Variants in RALY observed in about 807,000 individuals in gnomAD.
RALY encodes the protein RALY heterogeneous nuclear ribonucleoprotein.
Under a neutral mutation model 30.7 loss-of-function variants are expected in RALY, and 15 were observed. The ratio of observed to expected loss-of-function variants is 0.49; its 90% CI spans 0.33 to 0.75. RALY has a LOEUF of 0.75. Among genes scored for constraint, RALY ranks in the 30% least tolerant of loss-of-function variants. The pLI is 0.02. For synonymous variants in RALY, 177 were observed against 170.8 expected (o/e 1.04, Z -0.28); for missense variants, 339 against 414.3 (o/e 0.82, Z 1.58).
intron 2 of RALY, among the ~76,000 whole-genome samples, chr20:34,042,688 G>A (rs751759568): frequency 6.6e-6 from 1 of 152,122 alleles, no homozygotes; most frequent in Admixed American, 6.5e-5. Context: ...AATGAAAGAA[G>A]GATTGCTGAA....
chr20:34,074,092 C>T (rs1045554859), intron 5 of RALY, among the ~76,000 whole-genome samples: 1 of 152,148 alleles, frequency 6.6e-6, no homozygotes, highest in Non-Finnish European at 1.5e-5. Flanking sequence ...GCTAACTGCC[C>T]TTTTTCCTTC....
chr20:34,032,794 C>G (rs2032335508), intron 2 of RALY, among the ~76,000 whole-genome samples: 1 of 152,102 alleles, frequency 6.6e-6, no homozygotes, highest in African/African-American at 2.4e-5. Flanking sequence ...ATTGTTCTTC[C>G]AGACCTGACC....
chr20:34,037,080 G>A (rs1568671089), intron 2 of RALY, among the ~76,000 whole-genome samples: 1 of 152,144 alleles, frequency 6.6e-6, no homozygotes, highest in Non-Finnish European at 1.5e-5. Context: ...CTTCAGGCTT[G>A]ACTATACCAG....
At chr20:34,068,140 C>A (rs552261471) in intron 2 of RALY, among the ~76,000 whole-genome samples, 1 of 152,302 alleles carries the variant, frequency 6.6e-6, no homozygotes, top group Non-Finnish European at 1.5e-5. Context: ...CAAGAACAAT[C>A]CTTCTACCCA....
At chr20:34,001,333 T>G (rs2030906488) in intron 1 of RALY, among the ~76,000 whole-genome samples, 1 of 152,226 alleles carries the variant, frequency 6.6e-6, no homozygotes, top group Non-Finnish European at 1.5e-5. Context: ...AAACTTGCAT[T>G]TCCTAAGAGC....
At chr20:33,999,044 C>CA (rs2030779506) in intron 1 of RALY, among the ~76,000 whole-genome samples, 1 of 149,088 alleles carries the variant, frequency 6.7e-6, no homozygotes, top group Non-Finnish European at 1.5e-5. Context: ...GCAGGAGAAT[C>CA]ACTTGAACCT....
chr20:34,047,835 A>C (rs2032935916), intron 2 of RALY, among the ~76,000 whole-genome samples: 1 of 152,116 alleles, frequency 6.6e-6, no homozygotes, highest in South Asian at 2.1e-4. Flanking sequence ...TAGCTCTTTG[A>C]AGGCCAGTAT....
intron 9 of RALY, among the ~76,000 whole-genome samples, chr20:34,079,057 G>C (rs1042334883): frequency 6.6e-6 from 1 of 152,166 alleles, no homozygotes; most frequent in Non-Finnish European, 1.5e-5. Context: ...TGGCTGCAGT[G>C]CCCCCCTAGT....
chr20:34,039,838 C>T (rs896684507), intron 2 of RALY, among the ~76,000 whole-genome samples: 4 of 152,218 alleles, frequency 2.6e-5, no homozygotes, highest in South Asian at 2.1e-4. Context: ...ATGGGCTGGG[C>T]GCGGTGGCTC....
intron 1 of RALY, among the ~76,000 whole-genome samples, chr20:34,026,158 G>A (rs935425522): frequency 4.6e-5 from 7 of 151,838 alleles, no homozygotes; most frequent in Non-Finnish European, 8.8e-5. Flanking sequence ...CTGGGGCAGG[G>A]CAATAGTGAG....
At chr20:34,031,678 T>C (rs1376879709) in intron 2 of RALY, 74 bp downstream of exon 2, 1 of 152,224 alleles carries the variant, frequency 6.6e-6, no homozygotes, top group Non-Finnish European at 1.5e-5. Context: ...GGGGATTGTT[T>C]TTACCTTTAG....
intron 1 of RALY, among the ~76,000 whole-genome samples, chr20:34,025,096 C>T (rs1199648304): frequency 6.6e-6 from 1 of 152,162 alleles, no homozygotes; most frequent in African/African-American, 2.4e-5. Context: ...GGTTGTGAGC[C>T]CTGAAGTGCT....
intron 2 of RALY, among the ~76,000 whole-genome samples, chr20:34,061,384 ACAAT>A: frequency 6.6e-6 from 1 of 152,358 alleles, no homozygotes; most frequent in South Asian, 2.1e-4. Context: ...ATGTCTAAAA[ACAAT>A]CAGGCTGAAG....
chr20:34,084,214 T>TCC lies in RALY; in HGVS notation c.*4309_*4310insCC, dbSNP rs745958088. Reference sequence around the variant, plus strand: ...ACACGTGCCTGTAGTCCCCGCTACTTGGGGGACTACAGTGGGAGATCATTT... The same window carrying TCC: ...ACACGTGCCTGTAGTCCCCGCTACTTCCGGGGGACTACAGTGGGAGATCATTT... On this transcript the variant is annotated 3_prime_UTR_variant, in exon 10 of 10. Transcript: ENST00000246194. 1.3e-5 allele frequency: 2 copies of TCC among 151,984 alleles called. No homozygotes were observed. The highest frequency in any genetic ancestry group is 2.9e-5 in the Non-Finnish European group (2 of 67,988). 9.4% of individuals were successfully genotyped at this position (151,984 alleles called of 1,614,324 possible). A position where few individuals can be genotyped will look rare whatever the true frequency, so the allele number is the denominator to read the frequency against.
At chr20:34,037,245 G>T (rs560531538) in intron 2 of RALY, among the ~76,000 whole-genome samples, 1 of 152,170 alleles carries the variant, frequency 6.6e-6, no homozygotes, top group Admixed American at 6.5e-5. Context: ...CATAGTGCTC[G>T]GCAGCCTGGC....
intron 5 of RALY, among the ~76,000 whole-genome samples, chr20:34,074,942 T>G (rs1230941125): frequency 6.6e-6 from 1 of 152,182 alleles, no homozygotes; most frequent in Non-Finnish European, 1.5e-5. Flanking sequence ...TTCCTGGCCG[T>G]TGTCAGGAAA....
At chr20:33,995,443 C>T (rs1390499135) in intron 1 of RALY, among the ~76,000 whole-genome samples, 1 of 152,172 alleles carries the variant, frequency 6.6e-6, no homozygotes, top group Non-Finnish European at 1.5e-5. Context: ...AGTCATCTGC[C>T]TTCAAACAAA....
At chr20:34,027,820 C>T (rs1006800598) in intron 1 of RALY, among the ~76,000 whole-genome samples, 1 of 152,230 alleles carries the variant, frequency 6.6e-6, no homozygotes, top group Admixed American at 6.5e-5. Context: ...ACTCTCCCAT[C>T]CTAACTCTGC....
chr20:34,067,644 G>GCCC (rs2033612333), intron 2 of RALY, among the ~76,000 whole-genome samples: 1 of 152,024 alleles, frequency 6.6e-6, no homozygotes, highest in Non-Finnish European at 1.5e-5. Flanking sequence ...GGAGAAGCAG[G>GCCC]CCCATCCCTT....
Sources: allele counts gnomAD v4.1 joint callset (sites outside exome capture counted in the v4.1 genomes callset), GRCh38; gene constraint gnomAD v4.1.1; transcripts MANE v1.5; gene names NCBI Gene and HGNC (gene_info 2026-07-23, HGNC 2026-07-21).